CRACDL: variants seen among roughly 807,000 people sequenced by gnomAD.
The protein encoded by CRACDL is CRACD-like protein.
A neutral mutation model predicts 70.6 loss-of-function variants in CRACDL; 26 were observed. That is an observed-to-expected ratio of 0.37 (90% CI 0.27 to 0.51). CRACDL has a LOEUF of 0.51. CRACDL is among the 20% of genes least tolerant of loss of function. CRACDL has a pLI of 0.94. For missense variants in CRACDL, 1,283 were observed against 1,376.9 expected, an observed-to-expected ratio of 0.93 and a Z score of 1.08; for synonymous variants, 618 against 615.2, an observed-to-expected ratio of 1.00 and a Z score of -0.07.
At chr2:98,913,631 G>C (rs1163343037) in intron 1 of CRACDL, among the ~76,000 whole-genome samples, 3 of 152,108 alleles carry the variant, frequency 2.0e-5, no homozygotes, top group Non-Finnish European at 4.4e-5. Flanking sequence ...AGTCACTCAG[G>C]ACCACACCTC....
intron 1 of CRACDL, among the ~76,000 whole-genome samples, chr2:98,857,624 A>G (rs926413555): frequency 5.9e-5 from 9 of 152,228 alleles, no homozygotes; most frequent in African/African-American, 2.2e-4. Context: ...AAAGGGAAGT[A>G]GTAAAGAAGT....
At chr2:98,927,247 AG>A (rs1157717878) in intron 1 of CRACDL, among the ~76,000 whole-genome samples, 1 of 152,080 alleles carries the variant, frequency 6.6e-6, no homozygotes, top group Non-Finnish European at 1.5e-5. Flanking sequence ...GGACGGTGGG[AG>A]GTGTGTGGCC....
At chr2:98,882,223 G>A (rs1049633031) in intron 1 of CRACDL, among the ~76,000 whole-genome samples, 1 of 152,214 alleles carries the variant, frequency 6.6e-6, no homozygotes, top group African/African-American at 2.4e-5. Context: ...GCTCTACTCA[G>A]GGCACTACTG....
intron 4 of CRACDL, 36 bp from the exon 5 acceptor site, chr2:98,832,548 A>C: frequency 6.6e-7 from 1 of 1,508,638 alleles, no homozygotes; most frequent in Non-Finnish European, 9.0e-7. Context: ...TCTTATTTTC[A>C]TCAATGATAT....
intron 1 of CRACDL, among the ~76,000 whole-genome samples, chr2:98,867,379 G>GC (rs1707188854): frequency 6.6e-6 from 1 of 152,094 alleles, no homozygotes. Flanking sequence ...GTTCACATGG[G>GC]CCACCTAAGC....
intron 7 of CRACDL, among the ~76,000 whole-genome samples, chr2:98,799,969 C>T (rs888266495): frequency 6.6e-6 from 1 of 152,180 alleles, no homozygotes; most frequent in Non-Finnish European, 1.5e-5. Context: ...ATCGCTTCCT[C>T]CCAGCATTCT....
chr2:98,879,575 G>A (rs916168256), intron 1 of CRACDL, among the ~76,000 whole-genome samples: 2 of 152,116 alleles, frequency 1.3e-5, no homozygotes, highest in South Asian at 2.1e-4. Flanking sequence ...CAGAGATGGC[G>A]TCTCACTCTG....
chr2:98,851,544 T>G (rs961069251), intron 1 of CRACDL, among the ~76,000 whole-genome samples: 3 of 152,166 alleles, frequency 2.0e-5, no homozygotes, highest in African/African-American at 7.2e-5. Context: ...ACACCTCCCT[T>G]TCCAACAGTG....
intron 1 of CRACDL, among the ~76,000 whole-genome samples, chr2:98,867,766 A>G (rs901304634): frequency 1.3e-5 from 2 of 152,216 alleles, no homozygotes; most frequent in Middle Eastern, 3.2e-3. Flanking sequence ...CACATATGTG[A>G]CGAACAGGAC....
At chr2:98,820,751 A>G (rs1335864377) in intron 7 of CRACDL, among the ~76,000 whole-genome samples, 3 of 152,178 alleles carry the variant, frequency 2.0e-5, no homozygotes, top group Admixed American at 6.5e-5. Flanking sequence ...TGTTAACCCA[A>G]TCTCCCTTTC....
At chr2:98,817,385 A>G (rs1394142033) in intron 7 of CRACDL, among the ~76,000 whole-genome samples, 1 of 152,250 alleles carries the variant, frequency 6.6e-6, no homozygotes, top group Admixed American at 6.5e-5. Flanking sequence ...ATGAAATTTT[A>G]AAAATTCAAG....
At chr2:98,833,669 T>A (rs1279733282) in intron 3 of CRACDL, among the ~76,000 whole-genome samples, 1 of 152,226 alleles carries the variant, frequency 6.6e-6, no homozygotes, top group African/African-American at 2.4e-5. Context: ...GATCTGGGAC[T>A]GAACCCCCAG....
At chr2:98,883,548 T>C (rs1707713683) in intron 1 of CRACDL, among the ~76,000 whole-genome samples, 1 of 152,196 alleles carries the variant, frequency 6.6e-6, no homozygotes, top group Non-Finnish European at 1.5e-5. Context: ...GTCATGTACG[T>C]ATCAGGTGCT....
intron 1 of CRACDL, among the ~76,000 whole-genome samples, chr2:98,919,240 T>C (rs1480169672): frequency 6.6e-6 from 1 of 152,236 alleles, no homozygotes; most frequent in South Asian, 2.1e-4. Flanking sequence ...CCTTTTAGTA[T>C]AGTTTGAACT....
chr2:98,922,787 T>C (rs1708835218), intron 1 of CRACDL, among the ~76,000 whole-genome samples: 1 of 152,208 alleles, frequency 6.6e-6, no homozygotes, highest in Non-Finnish European at 1.5e-5. Flanking sequence ...TAGAGGGGCC[T>C]GGGATGTCTC....
intron 1 of CRACDL, among the ~76,000 whole-genome samples, chr2:98,872,574 G>T (rs1707378439): frequency 6.6e-6 from 1 of 152,150 alleles, no homozygotes; most frequent in Admixed American, 6.5e-5. Flanking sequence ...CAAAAAACCT[G>T]CACTTGTACC....
chr2:98,896,656 C>T (rs1415471770), intron 1 of CRACDL, among the ~76,000 whole-genome samples: 1 of 152,174 alleles, frequency 6.6e-6, no homozygotes, highest in African/African-American at 2.4e-5. Flanking sequence ...AACCTCAGCA[C>T]AGAACCAACA....
chr2:98,851,142 G>A (rs974536663), intron 1 of CRACDL, among the ~76,000 whole-genome samples: 2 of 152,118 alleles, frequency 1.3e-5, no homozygotes, highest in Non-Finnish European at 2.9e-5. Context: ...TCCCGGTACC[G>A]TTCTTTCACA....
intron 1 of CRACDL, among the ~76,000 whole-genome samples, chr2:98,850,870 G>A (rs930711410): frequency 3.3e-5 from 5 of 152,144 alleles, no homozygotes; most frequent in Admixed American, 1.3e-4. Flanking sequence ...TTATAGCAGA[G>A]TTCTATCATT....
Sources: allele counts gnomAD v4.1 joint callset (sites outside exome capture counted in the v4.1 genomes callset), GRCh38; gene constraint gnomAD v4.1.1; transcripts MANE v1.5; gene names NCBI Gene and HGNC (gene_info 2026-07-23, HGNC 2026-07-21).